Variants in FCAMR observed in about 807,000 individuals in gnomAD.
FCAMR encodes high affinity immunoglobulin alpha and immunoglobulin mu Fc receptor.
A neutral mutation model predicts 52.2 loss-of-function variants in FCAMR; 51 were observed. The ratio of observed to expected loss-of-function variants is 0.98; its 90% confidence interval spans 0.78 to 1.23. The LOEUF (loss-of-function observed/expected upper bound fraction) is 1.23, where lower values mean the gene tolerates loss of function less well. Ranked by LOEUF, FCAMR falls within the 50% of genes most tolerant of loss-of-function variation. The pLI is 0.00. For missense variants in FCAMR, 719 were observed against 712.6 expected (o/e 1.01, Z -0.10); for synonymous variants, 282 against 262.0 (o/e 1.08, Z -0.74).
At chr1:206,966,348 T>C (rs1393765884) in intron 3 of FCAMR, among the ~76,000 whole-genome samples, 1 of 152,210 alleles carries the variant, frequency 6.6e-6, no homozygotes, top group Non-Finnish European at 1.5e-5. Context: ...TGTGATTTTA[T>C]CACGCAGAGT....
chr1:206,961,526 C>T (rs1050346587), intron 5 of FCAMR, among the ~76,000 whole-genome samples: 4 of 152,220 alleles, frequency 2.6e-5, no homozygotes, highest in South Asian at 4.1e-4. Flanking sequence ...AGAGGCCCAC[C>T]GCCCAGCAGG....
In FCAMR at chr1:206,962,548, G is replaced by A; in HGVS notation, c.317C>T (p.Pro106Leu). ...CWREESSFAA[P>L]NSLKGSRLVS... ...CAGCCTTGAGCCCTTCAATGAATTT[G>A]GAGCTGCAGACAGAGAAGGAAGTCA... Residue 106 changes from proline (P) to leucine (L), a missense_variant, in exon 5 of 8, where the codon CCA becomes CTA. By Grantham distance (98) the Pro-to-Leu change is moderately conservative. Coordinates refer to ENST00000324852, the MANE Select transcript of FCAMR (RefSeq NM_001170631.2). The A allele has an allele frequency of 6.5e-7, 1 of 1,546,676 alleles. No homozygotes were observed.
intron 7 of FCAMR, chr1:206,958,983 T>C: frequency 1.9e-6 from 1 of 531,030 alleles, no homozygotes; most frequent in East Asian, 5.2e-5. Context: ...CTCAGAGAAT[T>C]TTAGCTGGGC....
chr1:206,962,730 C>T (rs1295741487), intron 4 of FCAMR, among the ~76,000 whole-genome samples, 179 bp from the exon 5 acceptor site: 4 of 152,122 alleles, frequency 2.6e-5, no homozygotes, highest in Non-Finnish European at 5.9e-5. Context: ...AGATGTTGTC[C>T]CAAGGTATGG....
Position 206,970,201 on chromosome 1 carries a change from C to A in FCAMR, c.-76G>T, listed in dbSNP as rs1680883317. ...CAGGTGTTTGGACGACTTCTAGTTGCTCTCCTTTAAACCTGGAGACTGAGA... is the reference window on the plus strand; with the variant it reads ...CAGGTGTTTGGACGACTTCTAGTTGATCTCCTTTAAACCTGGAGACTGAGA... On this transcript the variant is annotated 5_prime_UTR_variant, in exon 1 of 8. Coordinates refer to ENST00000324852, the MANE Select transcript of FCAMR (RefSeq NM_001170631.2). The A allele has an allele frequency of 2.6e-6, 4 of 1,551,950 alleles. No individual in the cohort carries two copies. The highest frequency in any genetic ancestry group is 1.7e-5 in the Admixed American group (1 of 58,840).
In FCAMR at chr1:206,958,602, G is replaced by A. The variant is rs1325479556; in HGVS notation, c.1648C>T (p.Pro550Ser). Residue 550 changes from proline (P) to serine (S), a missense_variant, in exon 8 of 8, where the codon CCC becomes TCC. Coordinates refer to ENST00000324852, the MANE Select transcript of FCAMR (RefSeq NM_001170631.2). ...TGGAGCATCTTTCTTTCCACATGGG[G>A]CAGCTGGTCTGCTTGGGGGTTCACT... ...LEVNPQADQL[P>S]HVERKMLQDD... 11 of 1,613,818 alleles carry A rather than the reference G, an allele frequency of 6.8e-6. No homozygotes were observed. Among genetic ancestry groups the A allele is most frequent in the Non-Finnish European group, 9.3e-6 (11 of 1,180,040 alleles).
intron 1 of FCAMR, among the ~76,000 whole-genome samples, chr1:206,968,191 T>G (rs1680791209): frequency 6.6e-6 from 1 of 152,080 alleles, no homozygotes; most frequent in South Asian, 2.1e-4. Context: ...ATACAAAAAT[T>G]AGCCTGACGT....
At chr1:206,969,574 C>T (rs963767729) in intron 1 of FCAMR, among the ~76,000 whole-genome samples, 5 of 152,312 alleles carry the variant, frequency 3.3e-5, no homozygotes, top group African/African-American at 1.2e-4. Flanking sequence ...ACCTCAGCTT[C>T]AGCACAGGCT....
intron 6 of FCAMR, chr1:206,959,998 C>A: frequency 1.7e-6 from 1 of 571,504 alleles, no homozygotes; most frequent in Non-Finnish European, 3.1e-6. Context: ...GAATCCTTTT[C>A]CCTCTTCCAC....
At chr1:206,959,956 G>C in intron 6 of FCAMR, 159 bp from the exon 7 acceptor site, 3 of 617,632 alleles carry the variant, frequency 4.9e-6, no homozygotes, top group Non-Finnish European at 8.6e-6. Context: ...AGAGCTTGGG[G>C]CTAGAATCTC....
chr1:206,962,286 G>T lies in FCAMR; in HGVS notation c.579C>A (p.Ile193=). 6.2e-7 allele frequency: 1 copy of T among 1,614,172 alleles called. No individual in the cohort carries two copies. Among genetic ancestry groups the T allele is most frequent in the Non-Finnish European group, 8.5e-7 (1 of 1,180,032 alleles). The change falls in exon 5 of 8, where the codon ATC becomes ATA. Residue 193 remains isoleucine (I), a synonymous_variant. Coordinates refer to ENST00000324852, the MANE Select transcript of FCAMR (RefSeq NM_001170631.2). The stretch of plus-strand genomic sequence containing the variant: ...TTCCAATGCCGCAGAGGTAGCATCC[G>T]ATGTCATCCGGGGACAGTTGGGACA... ...VRLSQLSPDD[I]GCYLCGIGSE... is the part of the protein sequence containing the mutation.
chr1:206,970,274 C>T lies in FCAMR; in HGVS notation c.-149G>A, dbSNP rs573360384. On this transcript the variant is annotated 5_prime_UTR_variant, in exon 1 of 8. Transcript: ENST00000324852. ...GCAGCTGGAGCTAGCAACGGAAGGTCGGGGTGCAAGGCGTAGCTCTGCCAC... is the reference window on the plus strand; with the variant it reads ...GCAGCTGGAGCTAGCAACGGAAGGTTGGGGTGCAAGGCGTAGCTCTGCCAC... The T allele has an allele frequency of 6.9e-4, 562 of 810,312 alleles. 1 individual carries two copies. Among genetic ancestry groups the T allele is most frequent in the Non-Finnish European group, 1.0e-3 (521 of 509,718 alleles). The allele number at this position is 810,312 out of a possible 1,614,324, so 50.2% of individuals were successfully genotyped here. A position where few individuals can be genotyped will look rare whatever the true frequency, so the allele number is the denominator to read the frequency against.
chr1:206,958,402 A>C lies in FCAMR; in HGVS notation c.*114T>G. 8.1e-7 allele frequency: 1 copy of C among 1,232,860 alleles called. No homozygotes were observed. Among genetic ancestry groups the C allele is most frequent in the Non-Finnish European group, 1.1e-6 (1 of 904,652 alleles). 76.4% of individuals were successfully genotyped at this position (1,232,860 alleles called of 1,614,324 possible). A position where few individuals can be genotyped will look rare whatever the true frequency, so the allele number is the denominator to read the frequency against. ...CTTCCATGGGTGGAGCACCGGCTGCATCAGCTTCTCTTCCCACAGGTGGAG... is the reference window on the plus strand; with the variant it reads ...CTTCCATGGGTGGAGCACCGGCTGCCTCAGCTTCTCTTCCCACAGGTGGAG... On this transcript the variant is annotated 3_prime_UTR_variant, in exon 8 of 8. Transcript: ENST00000324852.
Position 206,962,360 on chromosome 1 carries a change from G to A in FCAMR, c.505C>T (p.Arg169Cys), listed in dbSNP as rs200786919. 1.1e-4 allele frequency: 175 copies of A among 1,614,078 alleles called. 2 individuals carry two copies. Among genetic ancestry groups the A allele is most frequent in the Non-Finnish European group, 1.8e-5 (21 of 1,180,042 alleles). Residue 169 changes from arginine to cysteine, a missense_variant, in exon 5 of 8, where the codon CGT becomes TGT. Physicochemically the swap from Arg to Cys is radical, Grantham distance 180 (BLOSUM62 -3). Transcript: ENST00000324852. ...TGTGGAAAGTCTGTGAGGGCCACAC[G>A]GTCACGATAGCGATGGTGAGTATAC... is the stretch of plus-strand genomic sequence containing the variant. ...NQYTHHRYRDRVALTDFPQRG... is the reference protein window; with the variant it reads ...NQYTHHRYRDCVALTDFPQRG...
intron 7 of FCAMR, 139 bp from the exon 8 acceptor site, chr1:206,958,815 T>A: frequency 9.0e-7 from 1 of 1,107,204 alleles, no homozygotes; most frequent in Non-Finnish European, 1.3e-6. Context: ...TTGGCTAGGC[T>A]AAGCCAGCCT....
At chr1:206,969,472 G>T in intron 1 of FCAMR, 1 of 358,372 alleles carries the variant, frequency 2.8e-6, no homozygotes, top group Non-Finnish European at 5.6e-6. Flanking sequence ...GGGGCCACAG[G>T]CTTCTGTTAC....
chr1:206,970,120 A>G lies in FCAMR; in HGVS notation c.6T>C (p.Asp2=), dbSNP rs1408288277. 1 of 1,613,936 alleles carries G rather than the reference A, an allele frequency of 6.2e-7. No homozygotes were observed. The highest frequency in any genetic ancestry group is 1.3e-5 in the African/African-American group (1 of 74,882). ...CTCCAGGCTTCACTGTGGCCTCTCC[A>G]TCCATCTCAGTCCAGAAACAAGATC... is the stretch of plus-strand genomic sequence containing the variant. M[D]GEATVKPGEQ... is the part of the protein sequence containing the mutation. The change falls in exon 1 of 8, where the codon GAT becomes GAC. Residue 2 remains aspartate (D), a synonymous_variant. Transcript: ENST00000324852.
rs76276228 is a variant in FCAMR, at chr1:206,967,673, G to A, written c.40-22C>T. 341 of 1,612,286 alleles carry A rather than the reference G, an allele frequency of 2.1e-4. 1 individual carries two copies. The highest frequency in any genetic ancestry group is 2.8e-4 in the Non-Finnish European group (331 of 1,178,430). On this transcript the variant is annotated intron_variant, in intron 1 of 7. Coordinates refer to ENST00000324852, the MANE Select transcript of FCAMR (RefSeq NM_001170631.2). ...CTTCCTGTTTGCAGAAGGGGAATTGGTTTTTTCAAGGGAAGATTTCTGTTT... is the reference window on the plus strand; with the variant it reads ...CTTCCTGTTTGCAGAAGGGGAATTGATTTTTTCAAGGGAAGATTTCTGTTT...
chr1:206,969,275 G>C (rs770043469), intron 1 of FCAMR: 3 of 456,400 alleles, frequency 6.6e-6, no homozygotes, highest in South Asian at 4.6e-5. Context: ...GGGCTTCAGG[G>C]AGAAAAGCCG....
Sources: allele counts gnomAD v4.1 joint callset (sites outside exome capture counted in the v4.1 genomes callset), GRCh38; gene constraint gnomAD v4.1.1; transcripts MANE v1.5; gene names NCBI Gene and HGNC (gene_info 2026-07-23, HGNC 2026-07-21).